The following LPAR1 variants were observed in gnomAD, a reference collection of about 807,000 sequenced individuals.
LPAR1 encodes the protein LPA receptor 1.
LPAR1 carries 5 observed loss-of-function variants against 23.8 expected under a neutral mutation model. The ratio of observed to expected loss-of-function variants is 0.21; its 90% CI spans 0.11 to 0.44. The LOEUF (loss-of-function observed/expected upper bound fraction) is 0.44. Among genes scored for constraint, LPAR1 ranks in the 20% least tolerant of loss-of-function variants. The pLI is 0.99. For missense variants in LPAR1, 311 were observed against 482.8 expected (o/e 0.64, Z 3.33); for synonymous variants, 160 against 164.7 (o/e 0.97, Z 0.22).
intron 4 of LPAR1, among the ~76,000 whole-genome samples, chr9:110,952,928 C>A (rs1439770332): frequency 6.6e-6 from 1 of 152,200 alleles, no homozygotes; most frequent in Non-Finnish European, 1.5e-5. Flanking sequence ...ACCACTGGCA[C>A]CTGAGCACAC....
At chr9:110,900,209 C>T (rs73655661) in intron 5 of LPAR1, among the ~76,000 whole-genome samples, 1 of 152,156 alleles carries the variant, frequency 6.6e-6, no homozygotes, top group Non-Finnish European at 1.5e-5. Context: ...ATTCTTTCTT[C>T]AGGATCCAGG....
At chr9:110,898,170 A>G (rs967799478) in intron 5 of LPAR1, among the ~76,000 whole-genome samples, 1 of 152,204 alleles carries the variant, frequency 6.6e-6, no homozygotes, top group Admixed American at 6.5e-5. Context: ...AAACAACACA[A>G]TGCTTACAAT....
rs185773793 is a variant in LPAR1, at chr9:110,949,193, C to T, written c.46-7025G>A. 7.4e-4 allele frequency among the ~76,000 whole-genome samples: 113 copies of T among 152,188 alleles called. No individual in the cohort carries two copies. The Middle Eastern group carries it at 0.01, about 14-fold the overall frequency. ...GCAAACACCAAACTTCTCTGGAGGACGAGACCTCAACACAGCCAGCCACAC... is the reference window on the plus strand; with the variant it reads ...GCAAACACCAAACTTCTCTGGAGGATGAGACCTCAACACAGCCAGCCACAC... On this transcript the variant is annotated intron_variant, in intron 4 of 5. Coordinates refer to ENST00000683809, the MANE Select transcript of LPAR1 (RefSeq NM_001351411.2).
intron 5 of LPAR1, among the ~76,000 whole-genome samples, chr9:110,885,783 C>A (rs1485408302): frequency 1.3e-5 from 2 of 152,212 alleles, no homozygotes; most frequent in South Asian, 2.1e-4. Flanking sequence ...ACTTACCAGG[C>A]CGGGCGTGGT....
chr9:110,939,715 T>A (rs1474255772), intron 5 of LPAR1, among the ~76,000 whole-genome samples: 2 of 152,178 alleles, frequency 1.3e-5, no homozygotes, highest in African/African-American at 4.8e-5. Context: ...CACAAGATAT[T>A]ATACAAAGGT....
intron 5 of LPAR1, among the ~76,000 whole-genome samples, chr9:110,927,372 T>C (rs536005850): frequency 3.3e-5 from 5 of 152,302 alleles, no homozygotes; most frequent in Non-Finnish European, 7.4e-5. Context: ...AAATATATTT[T>C]CTGTATTTGG....
At chr9:110,889,209 A>T (rs1381026636) in intron 5 of LPAR1, among the ~76,000 whole-genome samples, 1 of 152,056 alleles carries the variant, frequency 6.6e-6, no homozygotes. Context: ...AAAATACAAA[A>T]ATTAGCCAGG....
chr9:111,020,498 C>T (rs1214719620), intron 2 of LPAR1, among the ~76,000 whole-genome samples: 1 of 152,158 alleles, frequency 6.6e-6, no homozygotes, highest in Non-Finnish European at 1.5e-5. Flanking sequence ...ATAAATTTCT[C>T]CTGGGAGCTT....
chr9:111,013,391 T>C (rs10759481), intron 2 of LPAR1, among the ~76,000 whole-genome samples: 96,463 of 152,012 alleles, frequency 0.63, 31,651 homozygotes, highest in African/African-American at 0.8. Context: ...GAGATGAATC[T>C]AATTAATGTT....
At chr9:110,996,452 A>G (rs951696223) in intron 2 of LPAR1, among the ~76,000 whole-genome samples, 12 of 152,118 alleles carry the variant, frequency 7.9e-5, no homozygotes, top group African/African-American at 2.7e-4. Flanking sequence ...CTGATACAAA[A>G]GGAGTCCGCT....
At chr9:111,017,633 G>C (rs948902657) in intron 2 of LPAR1, among the ~76,000 whole-genome samples, 2 of 152,142 alleles carry the variant, frequency 1.3e-5, no homozygotes, top group African/African-American at 2.4e-5. Flanking sequence ...CATTTTTAGA[G>C]CACTTGCTCC....
intron 2 of LPAR1, among the ~76,000 whole-genome samples, chr9:111,023,931 T>G (rs191758498): frequency 6.6e-6 from 1 of 152,276 alleles, no homozygotes; most frequent in East Asian, 1.9e-4. Flanking sequence ...GCCACTGAAC[T>G]AAATGTCCCA....
intron 2 of LPAR1, among the ~76,000 whole-genome samples, chr9:111,025,235 T>C (rs923125224): frequency 3.9e-5 from 6 of 152,180 alleles, no homozygotes; most frequent in Non-Finnish European, 7.4e-5. Flanking sequence ...TTTTAATGAT[T>C]GCCATTCTAA....
At chr9:110,950,461 T>C (rs1356847866) in intron 4 of LPAR1, among the ~76,000 whole-genome samples, 1 of 84,842 alleles carries the variant, frequency 1.2e-5, no homozygotes, top group East Asian at 1.0e-3. Flanking sequence ...TAAGACTCTG[T>C]CTAAAAAAAA....
Position 111,038,463 on chromosome 9 carries a change from C to A in LPAR1, c.-558G>T. The stretch of plus-strand genomic sequence containing the variant: ...TCAGGGAGCGTCAGCCGCCAGTCGG[C>A]CCCTACTGCCCGGCTTTGGCGCGCT... On this transcript the variant is annotated 5_prime_UTR_variant, in exon 1 of 6. Coordinates refer to ENST00000683809, the MANE Select transcript of LPAR1 (RefSeq NM_001351411.2). The surrounding 1 kb of genome is among the most constrained non-coding windows in gnomAD (Gnocchi z 4.4). 2.9e-6 allele frequency: 1 copy of A among 344,972 alleles called. No individual in the cohort carries two copies. Among genetic ancestry groups the A allele is most frequent in the Non-Finnish European group, 5.7e-6 (1 of 174,756 alleles). 21.4% of individuals were successfully genotyped at this position (344,972 alleles called of 1,614,324 possible).
intron 2 of LPAR1, among the ~76,000 whole-genome samples, chr9:110,979,282 G>A (rs1221181849): frequency 6.6e-6 from 1 of 151,384 alleles, no homozygotes; most frequent in Non-Finnish European, 1.5e-5. Context: ...TTTAAGGAAT[G>A]TGCCCAAAAT....
chr9:111,016,554 G>A (rs776078209), intron 2 of LPAR1, among the ~76,000 whole-genome samples: 15 of 152,034 alleles, frequency 9.9e-5, no homozygotes, highest in East Asian at 3.9e-4. Context: ...CACAAAATCC[G>A]TGCTCATAGG....
At chr9:110,970,022 A>C (rs535848055) in intron 4 of LPAR1, among the ~76,000 whole-genome samples, 61 of 152,308 alleles carry the variant, frequency 4.0e-4, no homozygotes, top group African/African-American at 1.3e-3. Flanking sequence ...AATTTACGAG[A>C]GTACACATTT....
rs57363496 is a variant in LPAR1 at position 110,971,732 on chromosome 9, C to CACCCT, written c.45+340_45+341insAGGGT. ...TATTTCATTAAACCCCACCCCACCC[C>CACCCT]CCGGCCCACAAAAAAGCCAAGAGAG... On this transcript the variant is annotated intron_variant, in intron 4 of 5. Transcript: ENST00000683809. 4.2e-3 allele frequency among the ~76,000 whole-genome samples: 631 copies of CACCCT among 151,214 alleles called. 7 individuals carry two copies. The highest frequency in any genetic ancestry group is 7.1e-3 in the Non-Finnish European group (481 of 67,766).
Sources: allele counts gnomAD v4.1 joint callset (sites outside exome capture counted in the v4.1 genomes callset), GRCh38; gene constraint gnomAD v4.1.1; non-coding constraint Gnocchi (gnomAD v3.1); transcripts MANE v1.5; gene names NCBI Gene and HGNC (gene_info 2026-07-23, HGNC 2026-07-21).